SWAP70: variants seen among roughly 807,000 people sequenced by gnomAD.
SWAP70 encodes the protein switching B cell complex subunit SWAP70.
SWAP70 carries 34 observed loss-of-function variants against 80.2 expected under a neutral mutation model. The observed-to-expected ratio is 0.42, with a 90% CI of 0.32 to 0.56. The LOEUF is 0.56. SWAP70 is among the 20% of genes least tolerant of loss of function. The pLI, the probability that SWAP70 is intolerant of heterozygous loss-of-function variation, is 0.09. For missense variants in SWAP70, 578 were observed against 690.7 expected, an observed-to-expected ratio of 0.84 and a Z score of 1.83; for synonymous variants, 239 against 238.5, an observed-to-expected ratio of 1.00 and a Z score of -0.02.
At position 9,713,530 on chromosome 11, in the gene SWAP70, AC is replaced by A. The variant is rs1226887095; in HGVS notation, c.307del (p.Leu103SerfsTer30). 6.2e-7 allele frequency: 1 copy of A among 1,614,020 alleles called. No individual in the cohort carries two copies. Among genetic ancestry groups the A allele is most frequent in the South Asian group, 1.1e-5 (1 of 91,072 alleles). On this transcript the variant is annotated frameshift_variant, in exon 3 of 12. Transcript: ENST00000318950. LOFTEE classifies it high-confidence loss of function. ...TGTTGGACCCTCTGTGTCAAAAAAA[AC>A]CTCACAAAGAATCCCCTGCTCATTA... ...RMCWTLCVKKNLTKNPLLITE... is the reference protein window; with the variant it reads ...RMCWTLCVKKXLTKNPLLITE...
chr11:9,706,797 G>A (rs1335672797), intron 2 of SWAP70, among the ~76,000 whole-genome samples: 1 of 151,934 alleles, frequency 6.6e-6, no homozygotes, highest in Non-Finnish European at 1.5e-5. Context: ...TTGGTGATTA[G>A]TTCAGATTAG....
At position 9,751,207 on chromosome 11, in the gene SWAP70, T is replaced by C. The variant is rs769837950; in HGVS notation, c.*1237T>C. On this transcript the variant is annotated 3_prime_UTR_variant, in exon 12 of 12. Transcript: ENST00000318950. Reference sequence around the variant, plus strand: ...GCATGTCAATATATTAGCCTAGCCATTATGTTAGCCTTTGTTAGGTGGGCA... The same window carrying C: ...GCATGTCAATATATTAGCCTAGCCACTATGTTAGCCTTTGTTAGGTGGGCA... The C allele has an allele frequency of 6.6e-6, 1 of 152,234 alleles. No individual in the cohort carries two copies. Among genetic ancestry groups the C allele is most frequent in the Non-Finnish European group, 1.5e-5 (1 of 68,034 alleles). The allele number at this position is 152,234 out of a possible 1,614,324, so 9.4% of individuals were successfully genotyped here. A position where few individuals can be genotyped will look rare whatever the true frequency, so the allele number is the denominator to read the frequency against.
intron 1 of SWAP70, among the ~76,000 whole-genome samples, chr11:9,690,482 T>C (rs1565116493): frequency 6.6e-6 from 1 of 151,848 alleles, no homozygotes. Context: ...GAGGCTGAGG[T>C]GGAAAGATTG....
At chr11:9,743,730 C>G (rs1408333170) in intron 9 of SWAP70, among the ~76,000 whole-genome samples, 3 of 151,954 alleles carry the variant, frequency 2.0e-5, no homozygotes, top group Non-Finnish European at 4.4e-5. Context: ...GTCCTTCGCC[C>G]ACTTTTTGAT....
chr11:9,701,613 T>A (rs1850832643), intron 2 of SWAP70, among the ~76,000 whole-genome samples: 1 of 114,286 alleles, frequency 8.7e-6, no homozygotes, highest in African/African-American at 2.9e-5. Flanking sequence ...TAAGACCTTG[T>A]CTGTTAAAAA....
At chr11:9,677,918 A>G (rs1447430979) in intron 1 of SWAP70, among the ~76,000 whole-genome samples, 1 of 152,112 alleles carries the variant, frequency 6.6e-6, no homozygotes, top group Non-Finnish European at 1.5e-5. Context: ...TTGCCTCACA[A>G]TTGGTTTGGA....
At chr11:9,705,463 T>C (rs1850894034) in intron 2 of SWAP70, among the ~76,000 whole-genome samples, 1 of 138,944 alleles carries the variant, frequency 7.2e-6, no homozygotes, top group Non-Finnish European at 1.5e-5. Context: ...TGGTGATCTG[T>C]GTACACTTGG....
Position 9,694,139 on chromosome 11 carries a change from C to A in SWAP70, c.100-7C>A. ...GAGTCTTTAAACGATTTTCTTTTCC[C>A]TTGCAGGTCCTTTCCCATAACCTGT... On this transcript the variant is annotated splice_polypyrimidine_tract_variant and splice_region_variant and intron_variant, in intron 1 of 11. Transcript: ENST00000318950. 6.3e-7 allele frequency: 1 copy of A among 1,579,682 alleles called. No individual in the cohort carries two copies. Among genetic ancestry groups the A allele is most frequent in the Admixed American group, 1.9e-5 (1 of 53,452 alleles).
chr11:9,709,596 ACC>A (rs1850969001), intron 2 of SWAP70, among the ~76,000 whole-genome samples: 1 of 151,596 alleles, frequency 6.6e-6, no homozygotes, highest in South Asian at 2.1e-4. Context: ...GCGATCTCCC[ACC>A]AACTTCAGCC....
At chr11:9,696,661 T>C (rs958155922) in intron 2 of SWAP70, among the ~76,000 whole-genome samples, 32 of 152,342 alleles carry the variant, frequency 2.1e-4, no homozygotes, top group African/African-American at 7.0e-4. Flanking sequence ...CTTATTTTTT[T>C]AATTGAACAA....
In SWAP70 at chr11:9,740,245, G is replaced by A. The variant is rs781421731; in HGVS notation, c.1253G>A (p.Arg418Gln). The stretch of plus-strand genomic sequence containing the variant: ...TCTGAACTGGAACAGTATTTACAGC[G>A]AGTACGGGAGCTGGAAGACATGTAC... Reference protein sequence around the residue: ...KSSELEQYLQRVRELEDMYLK... With the variant: ...KSSELEQYLQQVRELEDMYLK... Residue 418 changes from arginine to glutamine, a missense_variant, in exon 9 of 12, where the codon CGA (arginine) becomes CAA (glutamine). By Grantham distance (43) the Arg-to-Gln change is conservative. Transcript: ENST00000318950. 1.1e-5 allele frequency: 18 copies of A among 1,614,060 alleles called. No homozygotes were observed. Among genetic ancestry groups the A allele is most frequent in the South Asian group, 4.4e-5 (4 of 91,080 alleles).
At chr11:9,694,017 C>A in intron 1 of SWAP70, 129 bp from the exon 2 acceptor site, 4 of 1,196,144 alleles carry the variant, frequency 3.3e-6, no homozygotes, top group Non-Finnish European at 3.4e-6. Flanking sequence ...GAGCAGTCCT[C>A]ACCCTGTTTT....
intron 2 of SWAP70, among the ~76,000 whole-genome samples, chr11:9,710,996 T>TTTTATTTATTTA (rs71034734): frequency 0.015 from 2,215 of 148,998 alleles, 17 homozygotes; most frequent in African/African-American, 0.017. Flanking sequence ...TGTTTTTTAT[T>TTTTATTTATTTA]TTTATTTATT....
intron 2 of SWAP70, among the ~76,000 whole-genome samples, chr11:9,700,967 C>T (rs988909093): frequency 2.0e-5 from 3 of 151,964 alleles, no homozygotes; most frequent in Non-Finnish European, 4.4e-5. Context: ...TAGGGGTTTT[C>T]TGCCTTTGCC....
intron 4 of SWAP70, among the ~76,000 whole-genome samples, chr11:9,727,442 C>T (rs918399340): frequency 6.6e-6 from 1 of 152,134 alleles, no homozygotes; most frequent in East Asian, 1.9e-4. Context: ...CCACACTGAT[C>T]TTGAACTCCT....
In SWAP70 at chr11:9,752,037, A is replaced by G. The variant is rs1399739455; in HGVS notation, c.*2067A>G. 1 of 152,262 alleles carries G rather than the reference A, an allele frequency of 6.6e-6. No individual in the cohort carries two copies. Among genetic ancestry groups the G allele is most frequent in the Non-Finnish European group, 1.5e-5 (1 of 68,052 alleles). The allele number at this position is 152,262 out of a possible 1,614,324, so 9.4% of individuals were successfully genotyped here. A position where few individuals can be genotyped will look rare whatever the true frequency, so the allele number is the denominator to read the frequency against. The stretch of plus-strand genomic sequence containing the variant: ...ACTGCACATTACACCAGAAGACTCC[A>G]GTATCCCTCATTCCAGAATGAGGAA... On this transcript the variant is annotated 3_prime_UTR_variant, in exon 12 of 12. Transcript: ENST00000318950.
rs1042852779 is a variant in SWAP70, at chr11:9,751,690, A to G, written c.*1720A>G. On this transcript the variant is annotated 3_prime_UTR_variant, in exon 12 of 12. Coordinates refer to ENST00000318950, the MANE Select transcript of SWAP70 (RefSeq NM_015055.4). ...TTCAGTGTATGTATTTATTTACATG[A>G]GAGGAAACTGGAATATAATCCCATA... 6.6e-6 allele frequency: 1 copy of G among 152,260 alleles called. No individual in the cohort carries two copies. The highest frequency in any genetic ancestry group is 1.5e-5 in the Non-Finnish European group (1 of 68,048). The allele number at this position is 152,260 out of a possible 1,614,324, so 9.4% of individuals were successfully genotyped here.
In SWAP70 at chr11:9,752,108, A is replaced by T. The variant is rs909152972; in HGVS notation, c.*2138A>T. On this transcript the variant is annotated 3_prime_UTR_variant, in exon 12 of 12. Transcript: ENST00000318950. ...TAATCACCTCTGTGAAATCTATGGGATGGAAACAGTGTGGCCTTAGGAGTC... is the reference window on the plus strand; with the variant it reads ...TAATCACCTCTGTGAAATCTATGGGTTGGAAACAGTGTGGCCTTAGGAGTC... The T allele has an allele frequency of 6.6e-6, 1 of 152,252 alleles. No individual in the cohort carries two copies. 9.4% of individuals were successfully genotyped at this position (152,252 alleles called of 1,614,324 possible).
chr11:9,740,188 A>C lies in SWAP70; in HGVS notation c.1196A>C (p.Gln399Pro). 6.2e-7 allele frequency: 1 copy of C among 1,613,970 alleles called. No individual in the cohort carries two copies. Among genetic ancestry groups the C allele is most frequent in the Non-Finnish European group, 8.5e-7 (1 of 1,179,906 alleles). Residue 399 changes from glutamine (Q) to proline (P), a missense_variant, in exon 9 of 12, where the codon CAG (glutamine) becomes CCG (proline). Transcript: ENST00000318950. ...TELEREKLIR[Q>P]QMEEQVAQKS... ...ACCCTTTTATACCAACAGATCAGAC[A>C]GCAGATGGAAGAACAGGTTGCTCAA...
Sources: allele counts gnomAD v4.1 joint callset (sites outside exome capture counted in the v4.1 genomes callset), GRCh38; gene constraint gnomAD v4.1.1; transcripts MANE v1.5; gene names NCBI Gene and HGNC (gene_info 2026-07-23, HGNC 2026-07-21).